APAF1: variants seen among roughly 807,000 people sequenced by gnomAD.
APAF1 encodes apoptotic protease-activating factor 1.
In APAF1, 91 loss-of-function variants were observed where a neutral mutation model predicts 152.4. The ratio of observed to expected loss-of-function variants is 0.60; its 90% CI spans 0.50 to 0.71. The LOEUF is 0.71. Ranked by LOEUF, APAF1 falls within the 30% of genes least tolerant of loss-of-function variation. The pLI, the probability that APAF1 is intolerant of heterozygous loss-of-function variation, is 0.00. For synonymous variants in APAF1, 484 were observed against 494.1 expected, an observed-to-expected ratio of 0.98 and a Z score of 0.27; for missense variants, 1,283 against 1,472.0, an observed-to-expected ratio of 0.87 and a Z score of 2.10.
intron 3 of APAF1, 154 bp from the exon 4 acceptor site, chr12:98,649,333 A>C (rs1484915412): frequency 1.2e-6 from 1 of 812,540 alleles, no homozygotes. Context: ...CTGAGAAATC[A>C]GAAAATTGAA....
chr12:98,690,889 T>C (rs553589759), intron 16 of APAF1, among the ~76,000 whole-genome samples: 1 of 152,252 alleles, frequency 6.6e-6, no homozygotes, highest in Admixed American at 6.5e-5. Context: ...CTCTGCTCCA[T>C]TTTTTCTCAT....
intron 22 of APAF1, among the ~76,000 whole-genome samples, chr12:98,719,820 A>T (rs1007181503): frequency 6.6e-6 from 1 of 152,096 alleles, no homozygotes; most frequent in Admixed American, 6.5e-5. Context: ...TAGAATGCAT[A>T]TGTTCAGTGG....
rs764535985 is a variant in APAF1, at chr12:98,732,398, A to T, written c.3601-22A>T. 3 of 1,609,630 alleles carry T rather than the reference A, an allele frequency of 1.9e-6. No individual in the cohort carries two copies. The East Asian group carries it at 6.7e-5, about 36-fold the overall frequency. On this transcript the variant is annotated intron_variant, in intron 26 of 26. Transcript: ENST00000551964. ...ACAGTGTAATTACCAATCTAATGAGAATTTTATTTTTCTCTGAACAGTGGT... is the reference window on the plus strand; with the variant it reads ...ACAGTGTAATTACCAATCTAATGAGTATTTTATTTTTCTCTGAACAGTGGT...
chr12:98,651,977 G>C (rs1177691573), intron 4 of APAF1, among the ~76,000 whole-genome samples: 1 of 152,084 alleles, frequency 6.6e-6, no homozygotes, highest in Non-Finnish European at 1.5e-5. Context: ...GACACACCCA[G>C]CTAATTTTTG....
chr12:98,676,199 T>G (rs545250865), intron 12 of APAF1, among the ~76,000 whole-genome samples: 8 of 152,178 alleles, frequency 5.3e-5, no homozygotes, highest in Non-Finnish European at 1.2e-4. Context: ...TACATTACAT[T>G]CCTTTACACC....
Position 98,686,794 on chromosome 12 carries a change from A to C in APAF1, c.2225A>C (p.His742Pro). 1 of 1,613,930 alleles carries C rather than the reference A, an allele frequency of 6.2e-7. No homozygotes were observed. Among genetic ancestry groups the C allele is most frequent in the South Asian group, 1.1e-5 (1 of 91,034 alleles). ...GAATGTCGAAATACCATGTTTGGTC[A>C]TACAAATTCAGTCAATCACTGCAGA... ...QKECRNTMFGHTNSVNHCRFS... is the reference protein window; with the variant it reads ...QKECRNTMFGPTNSVNHCRFS... Residue 742 changes from histidine to proline, a missense_variant, in exon 16 of 27, where the codon CAT becomes CCT. Physicochemically the swap from His to Pro is moderately conservative, Grantham distance 77 (BLOSUM62 -2). Transcript: ENST00000551964.
rs1384989493 is a variant in APAF1 at position 98,684,268 on chromosome 12, A to G, written c.2178+994A>G. Among the ~76,000 whole-genome samples the G allele has an allele frequency of 2.0e-5, 3 of 152,044 alleles. No homozygotes were observed. The East Asian group carries it at 5.8e-4, about 29-fold the overall frequency. On this transcript the variant is annotated intron_variant, in intron 15 of 26. Transcript: ENST00000551964. ...AAGCTAAATTTTTATTTATTTATTT[A>G]TTTTTTCAGAAGAAAAAATTATACA... is the stretch of plus-strand genomic sequence containing the variant.
At chr12:98,703,617 T>G in intron 18 of APAF1, 118 bp downstream of exon 18, 2 of 1,297,368 alleles carry the variant, frequency 1.5e-6, no homozygotes, top group Admixed American at 1.8e-5. Flanking sequence ...TATAGAGTAT[T>G]TTCTTTATAG....
intron 18 of APAF1, among the ~76,000 whole-genome samples, chr12:98,704,874 G>A (rs1206900345): frequency 6.6e-6 from 1 of 152,048 alleles, no homozygotes; most frequent in African/African-American, 2.4e-5. Context: ...CCACCTCCCG[G>A]GTTCAAGCTA....
chr12:98,674,617 T>A (rs1440189539), intron 12 of APAF1, among the ~76,000 whole-genome samples: 1 of 152,196 alleles, frequency 6.6e-6, no homozygotes, highest in Non-Finnish European at 1.5e-5. Context: ...AAGTATAGAA[T>A]AGTTTGGAGG....
At chr12:98,700,434 A>G (rs553664972) in intron 17 of APAF1, among the ~76,000 whole-genome samples, 4 of 152,336 alleles carry the variant, frequency 2.6e-5, no homozygotes, top group African/African-American at 7.2e-5. Context: ...GATCATGTAT[A>G]TGATTGTTAT....
At chr12:98,729,019 C>T (rs1257706551) in intron 26 of APAF1, among the ~76,000 whole-genome samples, 1 of 152,162 alleles carries the variant, frequency 6.6e-6, no homozygotes, top group Non-Finnish European at 1.5e-5. Context: ...CAGCAGCTTA[C>T]AGTCTATGGG....
intron 17 of APAF1, among the ~76,000 whole-genome samples, chr12:98,702,126 C>G (rs914922082): frequency 6.6e-6 from 1 of 151,772 alleles, no homozygotes; most frequent in Non-Finnish European, 1.5e-5. Flanking sequence ...AGTGCAGTGG[C>G]GCTATCTCGG....
intron 4 of APAF1, among the ~76,000 whole-genome samples, chr12:98,654,816 C>CTTTTTTTTTTTTT (rs758991431): frequency 2.6e-5 from 3 of 116,780 alleles, no homozygotes; most frequent in Non-Finnish European, 5.2e-5. Context: ...GTAGTATTTT[C>CTTTTTTTTTTTTT]TTTTTTTTTT....
At chr12:98,688,332 C>T (rs1212377744) in intron 16 of APAF1, among the ~76,000 whole-genome samples, 3 of 152,116 alleles carry the variant, frequency 2.0e-5, no homozygotes, top group Non-Finnish European at 4.4e-5. Context: ...CTACATTTTT[C>T]CCTCTTGTTC....
chr12:98,688,291 C>A (rs2097700137), intron 16 of APAF1, among the ~76,000 whole-genome samples: 1 of 152,106 alleles, frequency 6.6e-6, no homozygotes, highest in African/African-American at 2.4e-5. Flanking sequence ...GTCTTAAGAT[C>A]AACCCATCTT....
chr12:98,698,016 G>C (rs1266971844), intron 16 of APAF1, among the ~76,000 whole-genome samples: 1 of 152,192 alleles, frequency 6.6e-6, no homozygotes, highest in Non-Finnish European at 1.5e-5. Flanking sequence ...GACTTGCTCA[G>C]AATGAAATGC....
intron 22 of APAF1, among the ~76,000 whole-genome samples, chr12:98,718,782 A>G (rs944009098): frequency 2.6e-5 from 4 of 151,686 alleles, no homozygotes; most frequent in Admixed American, 2.6e-4. Flanking sequence ...AAAACAAAAT[A>G]ATTTAGCCAG....
At chr12:98,662,420 G>A (rs764710758) in intron 5 of APAF1, 36 bp from the exon 6 acceptor site, 3 of 1,418,978 alleles carry the variant, frequency 2.1e-6, no homozygotes, top group Admixed American at 3.3e-5. Context: ...CTTAAGATAA[G>A]TGTCATTAGT....
Sources: gnomAD v4.1 joint callset for allele counts (sites outside exome capture counted in the v4.1 genomes callset) on GRCh38, gnomAD v4.1.1 for gene constraint, MANE v1.5 for transcripts, NCBI Gene and HGNC (gene_info 2026-07-23, HGNC 2026-07-21) for gene names.